The following CRAMP1 variants were observed in gnomAD, a reference collection of about 807,000 sequenced individuals.
CRAMP1 encodes the protein protein cramped-like.
In CRAMP1, 50 loss-of-function variants were observed where a neutral mutation model predicts 115.4. That is an observed-to-expected ratio of 0.43 (90% CI 0.35 to 0.55). The LOEUF (loss-of-function observed/expected upper bound fraction) is 0.55, where lower values mean the gene tolerates loss of function less well. Among genes scored for constraint, CRAMP1 ranks in the 20% least tolerant of loss-of-function variants. CRAMP1 has a pLI of 0.01. For synonymous variants in CRAMP1, 866 were observed against 745.4 expected (o/e 1.16, Z -2.64); for missense variants, 1,679 against 1,721.7 (o/e 0.98, Z 0.44).
intron 1 of CRAMP1, among the ~76,000 whole-genome samples, chr16:1,613,398 C>T (rs1370142160): frequency 2.6e-5 from 4 of 152,140 alleles, no homozygotes; most frequent in Non-Finnish European, 5.9e-5. Flanking sequence ...TCCTCGCCCG[C>T]GTCCCTGTAT....
intron 3 of CRAMP1, among the ~76,000 whole-genome samples, chr16:1,630,181 C>G (rs965547181): frequency 8.5e-5 from 13 of 152,092 alleles, no homozygotes; most frequent in African/African-American, 2.7e-4. Context: ...GTCAGTCTTG[C>G]TTTGTCACCT....
intron 13 of CRAMP1, 45 bp from the exon 14 acceptor site, chr16:1,665,012 G>A (rs754200872): frequency 5.3e-6 from 7 of 1,308,600 alleles, no homozygotes; most frequent in Non-Finnish European, 7.8e-6. Context: ...TGATTTTTTG[G>A]TATGGGAGTT....
At chr16:1,649,128 C>T (rs932836222) in intron 6 of CRAMP1, among the ~76,000 whole-genome samples, 3 of 151,856 alleles carry the variant, frequency 2.0e-5, no homozygotes, top group Non-Finnish European at 4.4e-5. Context: ...TCTAAATTAT[C>T]CCTCAAGACA....
rs1394012662 is a variant in CRAMP1, at chr16:1,614,701, G to C, written c.62G>C (p.Arg21Pro). The change falls in exon 2 of 21, where the codon CGG (arginine) becomes CCG (proline). Residue 21 changes from arginine (R) to proline (P), a missense_variant. Arg to Pro is a moderately radical substitution (Grantham distance 103, BLOSUM62 -2). This residue lies in a region of CRAMP1 where 264 missense variants were observed against 229.7 expected (regional missense o/e 1.15). Coordinates refer to ENST00000397412, the MANE Select transcript of CRAMP1 (RefSeq NM_020825.4). The surrounding 1 kb of genome is among the most constrained non-coding windows in gnomAD (Gnocchi z 4.4). Reference sequence around the variant, plus strand: ...GACGGGCTCAAGAAGCTGGGCAAGCGGGCGGCCGATGAGGAGTCCCTGGAA... The same window carrying C: ...GACGGGCTCAAGAAGCTGGGCAAGCCGGCGGCCGATGAGGAGTCCCTGGAA... ...GEDGLKKLGK[R>P]AADEESLEGE... is the part of the protein sequence containing the mutation. The C allele has an allele frequency of 2.2e-6, 3 of 1,336,100 alleles. No individual in the cohort carries two copies. Among genetic ancestry groups the C allele is most frequent in the Non-Finnish European group, 2.9e-6 (3 of 1,035,970 alleles). The allele number at this position is 1,336,100 out of a possible 1,614,324, so 82.8% of individuals were successfully genotyped here. A position where few individuals can be genotyped will look rare whatever the true frequency, so the allele number is the denominator to read the frequency against.
At position 1,656,527 on chromosome 16, in the gene CRAMP1, T is replaced by C; in HGVS notation, c.1770T>C (p.Pro590=). The C allele has an allele frequency of 6.4e-7, 1 of 1,560,292 alleles. No individual in the cohort carries two copies. Among genetic ancestry groups the C allele is most frequent in the Non-Finnish European group, 8.7e-7 (1 of 1,152,966 alleles). The change falls in exon 10 of 21, where the codon CCT becomes CCC. Residue 590 remains proline, a synonymous_variant. Coordinates refer to ENST00000397412, the MANE Select transcript of CRAMP1 (RefSeq NM_020825.4). The surrounding 1 kb of genome is among the most constrained non-coding windows in gnomAD (Gnocchi z 5.6). ...ADTRPGSEQP[P]LGGAASPEVL... ...CACGGCCTGGGAGCGAGCAGCCCCCTCTGGGCGGGGCGGCCTCCCCAGAGG... is the reference window on the plus strand; with the variant it reads ...CACGGCCTGGGAGCGAGCAGCCCCCCCTGGGCGGGGCGGCCTCCCCAGAGG...
At chr16:1,635,515 C>T (rs1015791547) in intron 4 of CRAMP1, among the ~76,000 whole-genome samples, 4 of 152,148 alleles carry the variant, frequency 2.6e-5, no homozygotes, top group Non-Finnish European at 4.4e-5. Context: ...TGGGGCCAGG[C>T]GGGGCATCAG....
At chr16:1,652,911 CT>C (rs1293281150) in intron 7 of CRAMP1, 121 bp from the exon 8 acceptor site, 2 of 1,222,266 alleles carry the variant, frequency 1.6e-6, no homozygotes, top group Non-Finnish European at 2.3e-6. Flanking sequence ...CTCTGCTCTC[CT>C]TGCCTCTGTT....
intron 1 of CRAMP1, among the ~76,000 whole-genome samples, chr16:1,612,925 C>A (rs558173762): frequency 6.6e-6 from 1 of 152,108 alleles, no homozygotes; most frequent in African/African-American, 2.4e-5. Context: ...GCTTGTTGGC[C>A]CTTAGGGTAA....
Position 1,666,808 on chromosome 16 carries a change from A to G in CRAMP1, c.3036+208A>G, listed in dbSNP as rs1168947832. On this transcript the variant is annotated intron_variant, in intron 16 of 20. Transcript: ENST00000397412. This position sits in a 1 kb window ranked among gnomAD's most constrained non-coding sequence, Gnocchi z 5.0. ...GACGAAAGGTGGGGACAGGCTTGCC[A>G]TGTGGCACTGGAGAACTCAGAGCTA... Among the ~76,000 whole-genome samples, 1 of 152,252 alleles carries G rather than the reference A, an allele frequency of 6.6e-6. No homozygotes were observed. The highest frequency in any genetic ancestry group is 1.5e-5 in the Non-Finnish European group (1 of 68,032).
At position 1,669,646 on chromosome 16, in the gene CRAMP1, TC is replaced by T. The variant is rs1340773765; in HGVS notation, c.3499+483del. Among the ~76,000 whole-genome samples, 4 of 152,168 alleles carry T rather than the reference TC, an allele frequency of 2.6e-5. No individual in the cohort carries two copies. The highest frequency in any genetic ancestry group is 6.5e-5 in the Admixed American group (1 of 15,284). On this transcript the variant is annotated intron_variant, in intron 19 of 20. Coordinates refer to ENST00000397412, the MANE Select transcript of CRAMP1 (RefSeq NM_020825.4). This position sits in a 1 kb window ranked among gnomAD's most constrained non-coding sequence, Gnocchi z 4.6. ...TAGATCGGAGAGTTCAGAGGACGTG[TC>T]CATCCTCCTCCCCCACTGCCCGTTT...
chr16:1,621,345 C>T (rs375816385), intron 2 of CRAMP1, among the ~76,000 whole-genome samples: 9 of 152,200 alleles, frequency 5.9e-5, no homozygotes, highest in African/African-American at 1.7e-4. Flanking sequence ...CCTCACTGCA[C>T]CGTCTGCACA....
At chr16:1,628,249 G>A (rs560667244) in intron 3 of CRAMP1, among the ~76,000 whole-genome samples, 9 of 152,160 alleles carry the variant, frequency 5.9e-5, no homozygotes, top group African/African-American at 2.2e-4. Flanking sequence ...GCAAGAGAAA[G>A]GACTTTTTGT....
intron 20 of CRAMP1, among the ~76,000 whole-genome samples, chr16:1,673,377 A>G (rs527450680): frequency 1.1e-4 from 17 of 148,924 alleles, no homozygotes; most frequent in African/African-American, 2.2e-4. Flanking sequence ...CCTCATGTCT[A>G]TGATGGGAAT....
chr16:1,616,802 T>C, intron 2 of CRAMP1, among the ~76,000 whole-genome samples: 1 of 152,098 alleles, frequency 6.6e-6, no homozygotes, highest in African/African-American at 2.4e-5. Flanking sequence ...TATCCCACTT[T>C]AGCAAGCAAA....
In CRAMP1 at chr16:1,677,109, C is replaced by T. The variant is rs994442298; in HGVS notation, c.*3064C>T. On this transcript the variant is annotated 3_prime_UTR_variant, in exon 21 of 21. Transcript: ENST00000397412. ...TTCTCTTTAAACCTTGAGCTCTAGC[C>T]GATGCATTTGTCAGGAAATACAGCA... 5 of 152,598 alleles carry T rather than the reference C, an allele frequency of 3.3e-5. No homozygotes were observed. The highest frequency in any genetic ancestry group is 1.9e-4 in the East Asian group (1 of 5,204). The allele number at this position is 152,598 out of a possible 1,614,324, so 9.5% of individuals were successfully genotyped here. A position where few individuals can be genotyped will look rare whatever the true frequency, so the allele number is the denominator to read the frequency against.
intron 10 of CRAMP1, among the ~76,000 whole-genome samples, chr16:1,659,325 T>G (rs1055664209): frequency 6.6e-6 from 1 of 152,148 alleles, no homozygotes; most frequent in Non-Finnish European, 1.5e-5. Context: ...AAGGTACTTG[T>G]GAGGAAGGGA....
chr16:1,619,488 G>A (rs1282237656), intron 2 of CRAMP1, among the ~76,000 whole-genome samples: 2 of 152,122 alleles, frequency 1.3e-5, no homozygotes, highest in African/African-American at 2.4e-5. Flanking sequence ...GCACAACAGC[G>A]TTTTTAACAC....
In CRAMP1 at chr16:1,625,785, A is replaced by T. The variant is rs992586321; in HGVS notation, c.347-188A>T. 9.2e-6 allele frequency: 5 copies of T among 542,060 alleles called. No homozygotes were observed. The African/African-American group carries it at 9.8e-5, about 11-fold the overall frequency. The allele number at this position is 542,060 out of a possible 1,614,324, so 33.6% of individuals were successfully genotyped here. A position where few individuals can be genotyped will look rare whatever the true frequency, so the allele number is the denominator to read the frequency against. ...ACATTTGAGGGTCATTTGGCCAGGT[A>T]AAGATCCTGGCAGTCCTAAGCAGCC... is the stretch of plus-strand genomic sequence containing the variant. On this transcript the variant is annotated intron_variant, in intron 2 of 20. Transcript: ENST00000397412.
chr16:1,614,595 G>GC lies in CRAMP1; in HGVS notation c.-1-42dup. 8.5e-7 allele frequency: 1 copy of GC among 1,176,088 alleles called. No homozygotes were observed. Among genetic ancestry groups the GC allele is most frequent in the Non-Finnish European group, 1.1e-6 (1 of 938,212 alleles). The allele number at this position is 1,176,088 out of a possible 1,614,324, so 72.9% of individuals were successfully genotyped here. A position where few individuals can be genotyped will look rare whatever the true frequency, so the allele number is the denominator to read the frequency against. ...CGCGTCGGGGCCGCTAAACTTCCCG[G>GC]CCTGCGCCCGCCTCACCGGCCGCCT... On this transcript the variant is annotated intron_variant, in intron 1 of 20. Transcript: ENST00000397412. The surrounding 1 kb of genome is among the most constrained non-coding windows in gnomAD (Gnocchi z 4.4).
Sources: allele counts gnomAD v4.1 joint callset (sites outside exome capture counted in the v4.1 genomes callset), GRCh38; gene constraint gnomAD v4.1.1; regional missense constraint gnomAD v4.1.1; non-coding constraint Gnocchi (gnomAD v3.1); transcripts MANE v1.5; gene names NCBI Gene and HGNC (gene_info 2026-07-23, HGNC 2026-07-21).